ACVR1C: variants seen among roughly 807,000 people sequenced by gnomAD.
ACVR1C encodes activin A receptor type 1C.
Under a neutral mutation model 57.9 loss-of-function variants are expected in ACVR1C, and 23 were observed. The ratio of observed to expected loss-of-function variants is 0.40; its 90% CI spans 0.29 to 0.56. The LOEUF (loss-of-function observed/expected upper bound fraction) is 0.56. Ranked by LOEUF, ACVR1C falls within the 20% of genes least tolerant of loss-of-function variation. ACVR1C has a pLI of 0.50. For missense variants in ACVR1C, 480 were observed against 607.9 expected, an observed-to-expected ratio of 0.79 and a Z score of 2.21; for synonymous variants, 214 against 215.3, an observed-to-expected ratio of 0.99 and a Z score of 0.05.
At chr2:157,600,663 T>C (rs2105139392) in intron 1 of ACVR1C, among the ~76,000 whole-genome samples, 3 of 152,234 alleles carry the variant, frequency 2.0e-5, no homozygotes, top group Middle Eastern at 3.4e-3. Context: ...TAATTCTCAA[T>C]GTAGAAATAA....
chr2:157,554,259 GAA>G (rs1226331462), intron 3 of ACVR1C, among the ~76,000 whole-genome samples: 1 of 125,348 alleles, frequency 8.0e-6, no homozygotes, highest in Non-Finnish European at 1.6e-5. Flanking sequence ...AAGAAAGAAA[GAA>G]AGAAAGAAAG....
rs1402749103 is a variant in ACVR1C, at chr2:157,560,384, G to A, written c.305-4052C>T. On this transcript the variant is annotated intron_variant, in intron 2 of 8. Transcript: ENST00000243349. ...AAGAAGGAGATGGCTATGTGAACCT[G>A]AGAAAGTCAATCCCTCAAGATGAAT... Among the ~76,000 whole-genome samples, 5 of 152,316 alleles carry A rather than the reference G, an allele frequency of 3.3e-5. No individual in the cohort carries two copies. The South Asian group carries it at 6.2e-4, about 19-fold the overall frequency.
chr2:157,610,334 A>G (rs1202288673), intron 1 of ACVR1C, among the ~76,000 whole-genome samples: 1 of 152,060 alleles, frequency 6.6e-6, no homozygotes, highest in Admixed American at 6.6e-5. Context: ...CTTGTGTATC[A>G]ATTTTCTTCT....
Position 157,561,396 on chromosome 2 carries a change from T to C in ACVR1C, c.305-5064A>G, listed in dbSNP as rs1265788376. ...AAGGGAATATTGCTGGAGATGCCTT[T>C]TGATGGGTCTGTTTCTATCCTGGCA... On this transcript the variant is annotated intron_variant, in intron 2 of 8. Coordinates refer to ENST00000243349, the MANE Select transcript of ACVR1C (RefSeq NM_145259.3). Among the ~76,000 whole-genome samples, 5 of 152,318 alleles carry C rather than the reference T, an allele frequency of 3.3e-5. No individual in the cohort carries two copies. In the East Asian group the frequency reaches 9.6e-4, roughly 29 times the overall value.
chr2:157,554,197 A>AAGAG (rs755252966), intron 3 of ACVR1C, among the ~76,000 whole-genome samples: 7 of 118,814 alleles, frequency 5.9e-5, no homozygotes, highest in African/African-American at 1.8e-4. Context: ...AAAAATAAAG[A>AAGAG]AGAGAGAAAG....
chr2:157,556,353 A>G, intron 2 of ACVR1C, 21 bp from the exon 3 acceptor site: 1 of 1,610,006 alleles, frequency 6.2e-7, no homozygotes, highest in Non-Finnish European at 8.5e-7. Flanking sequence ...AAGAAGAAAG[A>G]ACATGACCAT....
At chr2:157,565,780 C>T (rs548128234) in intron 2 of ACVR1C, among the ~76,000 whole-genome samples, 2 of 152,258 alleles carry the variant, frequency 1.3e-5, no homozygotes, top group East Asian at 1.9e-4. Flanking sequence ...GTGCCACACA[C>T]AAAAATATTT....
Position 157,628,638 on chromosome 2 carries a change from G to T in ACVR1C, c.7C>A (p.Arg3=), listed in dbSNP as rs1047641956. ...TGGCGGAGCGCTGAGCAGAGCGCCC[G>T]GGTCATCGCCACCAGGCGGCCGCGC... MT[R]ALCSALRQAL... Residue 3 remains arginine, a synonymous_variant, in exon 1 of 9, where the codon CGG becomes AGG. Transcript: ENST00000243349. 4.4e-6 allele frequency: 7 copies of T among 1,583,098 alleles called. No individual in the cohort carries two copies. The highest frequency in any genetic ancestry group is 6.0e-6 in the Non-Finnish European group (7 of 1,166,324).
chr2:157,589,968 T>A (rs1246556355), intron 1 of ACVR1C, among the ~76,000 whole-genome samples: 1 of 151,826 alleles, frequency 6.6e-6, no homozygotes, highest in African/African-American at 2.4e-5. Context: ...CTTGGAAAAG[T>A]GGATAGCTAC....
intron 1 of ACVR1C, among the ~76,000 whole-genome samples, chr2:157,592,189 A>ACCTT (rs1212695955): frequency 1.3e-5 from 2 of 152,048 alleles, no homozygotes; most frequent in Non-Finnish European, 2.9e-5. Flanking sequence ...ATCTAAAATA[A>ACCTT]ACAATCTCAC....
At chr2:157,554,241 A>G (rs1314611028) in intron 3 of ACVR1C, among the ~76,000 whole-genome samples, 2 of 136,058 alleles carry the variant, frequency 1.5e-5, no homozygotes, top group Admixed American at 7.1e-5. Context: ...GAAAGAAAGA[A>G]AGAAAGAAAG....
intron 1 of ACVR1C, among the ~76,000 whole-genome samples, chr2:157,623,246 C>T (rs890968895): frequency 6.6e-6 from 1 of 152,152 alleles, no homozygotes; most frequent in Admixed American, 6.5e-5. Flanking sequence ...ATCCAGCAAT[C>T]CCACTGATGG....
chr2:157,597,964 T>A (rs538930923), intron 1 of ACVR1C, among the ~76,000 whole-genome samples: 32 of 152,322 alleles, frequency 2.1e-4, no homozygotes, highest in African/African-American at 7.5e-4. Context: ...GAAGTCTTTC[T>A]AAATTGTAAG....
Position 157,626,739 on chromosome 2 carries a change from C to T in ACVR1C, c.73+1833G>A, listed in dbSNP as rs535016650. On this transcript the variant is annotated intron_variant, in intron 1 of 8. Coordinates refer to ENST00000243349, the MANE Select transcript of ACVR1C (RefSeq NM_145259.3). Reference sequence around the variant, plus strand: ...TTTTATATAAAGTTAAGAATAAATACTATAAGTAGCAATATACATTGTTAA... The same window carrying T: ...TTTTATATAAAGTTAAGAATAAATATTATAAGTAGCAATATACATTGTTAA... 3.3e-5 allele frequency among the ~76,000 whole-genome samples: 5 copies of T among 152,294 alleles called. No individual in the cohort carries two copies. In the East Asian group the frequency reaches 9.6e-4, roughly 29 times the overall value.
At position 157,595,713 on chromosome 2, in the gene ACVR1C, C is replaced by A. The variant is rs927554159; in HGVS notation, c.74-8296G>T. Among the ~76,000 whole-genome samples, 4 of 152,150 alleles carry A rather than the reference C, an allele frequency of 2.6e-5. No individual in the cohort carries two copies. In the South Asian group the frequency reaches 8.3e-4, roughly 31 times the overall value. ...CTAATAGTCTGGGTTCTTCCCACTC[C>A]TCCAACCTCATCTCTCATAACTCAG... On this transcript the variant is annotated intron_variant, in intron 1 of 8. Coordinates refer to ENST00000243349, the MANE Select transcript of ACVR1C (RefSeq NM_145259.3).
intron 8 of ACVR1C, among the ~76,000 whole-genome samples, chr2:157,536,865 T>C (rs1386014282): frequency 6.6e-6 from 1 of 152,154 alleles, no homozygotes; most frequent in Non-Finnish European, 1.5e-5. Context: ...TGTACAAAAT[T>C]GTTCACACTA....
At chr2:157,564,719 T>G (rs947045201) in intron 2 of ACVR1C, among the ~76,000 whole-genome samples, 1 of 152,202 alleles carries the variant, frequency 6.6e-6, no homozygotes, top group Non-Finnish European at 1.5e-5. Context: ...TGCCCATCAA[T>G]GATAGACTGG....
chr2:157,539,635 A>G (rs1687573888), intron 7 of ACVR1C, among the ~76,000 whole-genome samples: 1 of 152,238 alleles, frequency 6.6e-6, no homozygotes, highest in African/African-American at 2.4e-5. Flanking sequence ...CATTGCCTTA[A>G]GGCCTTTACA....
chr2:157,616,972 A>G (rs1375466939), intron 1 of ACVR1C, among the ~76,000 whole-genome samples: 1 of 152,082 alleles, frequency 6.6e-6, no homozygotes, highest in Admixed American at 6.5e-5. Context: ...ACCAATTACT[A>G]TACTAATTGT....
Sources: gnomAD v4.1 joint callset for allele counts (sites outside exome capture counted in the v4.1 genomes callset) on GRCh38, gnomAD v4.1.1 for gene constraint, MANE v1.5 for transcripts, NCBI Gene and HGNC (gene_info 2026-07-23, HGNC 2026-07-21) for gene names.